The following CDH22 variants were observed in gnomAD, a reference collection of about 807,000 sequenced individuals.
The protein encoded by CDH22 is cadherin 22.
A neutral mutation model predicts 58.4 loss-of-function variants in CDH22; 30 were observed. That is an observed-to-expected ratio of 0.51 (90% CI 0.38 to 0.70). The LOEUF (loss-of-function observed/expected upper bound fraction) is 0.70. Among genes scored for constraint, CDH22 ranks in the 30% least tolerant of loss-of-function variants. The pLI is 0.00. For synonymous variants in CDH22, 513 were observed against 558.2 expected (o/e 0.92, Z 1.14); for missense variants, 1,014 against 1,233.9 (o/e 0.82, Z 2.67).
intron 2 of CDH22, among the ~76,000 whole-genome samples, chr20:46,249,473 C>T (rs2086354578): frequency 6.6e-6 from 1 of 152,172 alleles, no homozygotes; most frequent in Non-Finnish European, 1.5e-5. Context: ...CATTCAGCCA[C>T]ATGTATGGAG....
chr20:46,191,860 G>A (rs183174191), intron 8 of CDH22, among the ~76,000 whole-genome samples: 123 of 152,238 alleles, frequency 8.1e-4, no homozygotes, highest in Middle Eastern at 3.4e-3. Flanking sequence ...CCAAGGATAA[G>A]CCCAAGTCCC....
Position 46,197,353 on chromosome 20 carries a change from G to A in CDH22, c.1423+2070C>T, listed in dbSNP as rs192701048. ...CAAAAATTGTAAAATGTTTGTGGAG[G>A]AGTACCCCTCCCCCGATTCTGTCTC... On this transcript the variant is annotated intron_variant, in intron 8 of 11. Coordinates refer to ENST00000537909, the MANE Select transcript of CDH22 (RefSeq NM_021248.3). 3.4e-4 allele frequency among the ~76,000 whole-genome samples: 51 copies of A among 151,262 alleles called. 1 individual carries two copies. Among genetic ancestry groups the A allele is most frequent in the Middle Eastern group, 3.7e-3 (1 of 272 alleles).
intron 3 of CDH22, among the ~76,000 whole-genome samples, chr20:46,238,086 G>A (rs781706299): frequency 2.6e-5 from 4 of 152,182 alleles, no homozygotes; most frequent in Non-Finnish European, 5.9e-5. Context: ...GCAGCAGAGG[G>A]AATTTTCCAA....
At chr20:46,209,790 A>C (rs1013529904) in intron 7 of CDH22, 4 of 153,236 alleles carry the variant, frequency 2.6e-5, no homozygotes, top group Non-Finnish European at 4.4e-5. Context: ...TAGAGCTGTC[A>C]TTCCCAAGAT....
chr20:46,227,692 G>T, intron 3 of CDH22, 65 bp from the exon 4 acceptor site: 1 of 1,542,802 alleles, frequency 6.5e-7, no homozygotes. Flanking sequence ...CCCCCACTTC[G>T]CCTCACCCCA....
chr20:46,264,788 G>A (rs1310509696), intron 1 of CDH22, among the ~76,000 whole-genome samples: 1 of 151,828 alleles, frequency 6.6e-6, no homozygotes, highest in Non-Finnish European at 1.5e-5. Flanking sequence ...CTGACCTCCC[G>A]TGCAAATTAT....
chr20:46,186,200 C>T lies in CDH22; in HGVS notation c.1663+388G>A, dbSNP rs949894736. ...CCTGGCTGACAGAGCGAGACCCTGTCTCAAAAAAAAAAAAAAAAAAATCAA... is the reference window on the plus strand; with the variant it reads ...CCTGGCTGACAGAGCGAGACCCTGTTTCAAAAAAAAAAAAAAAAAAATCAA... On this transcript the variant is annotated intron_variant, in intron 10 of 11. Transcript: ENST00000537909. 3.2e-5 allele frequency among the ~76,000 whole-genome samples: 4 copies of T among 124,514 alleles called. No homozygotes were observed. The Admixed American group carries it at 3.3e-4, about 10-fold the overall frequency. 81.7% of individuals were successfully genotyped at this position (124,514 alleles called of 152,430 possible).
intron 3 of CDH22, among the ~76,000 whole-genome samples, chr20:46,234,689 T>C (rs1224335699): frequency 6.6e-6 from 1 of 152,228 alleles, no homozygotes; most frequent in African/African-American, 2.4e-5. Context: ...ACATTCTCCT[T>C]CCTTTGCCCA....
At chr20:46,187,937 T>A (rs982778986) in intron 8 of CDH22, among the ~76,000 whole-genome samples, 2 of 152,172 alleles carry the variant, frequency 1.3e-5, no homozygotes, top group African/African-American at 4.8e-5. Flanking sequence ...AGACTTCTGC[T>A]TTCTCAAGAC....
At chr20:46,189,642 T>C (rs1312779687) in intron 8 of CDH22, among the ~76,000 whole-genome samples, 3 of 152,214 alleles carry the variant, frequency 2.0e-5, no homozygotes, top group Non-Finnish European at 4.4e-5. Flanking sequence ...TCGGCCTCTC[T>C]TACCTCTTCT....
In CDH22 at chr20:46,226,269, TTCTTCTTCTTCTTCTTCTTCTTC is replaced by T. The variant is rs1452041733; in HGVS notation, c.670+1216_670+1238del. On this transcript the variant is annotated intron_variant, in intron 4 of 11. Transcript: ENST00000537909. ...CTTCTTCTTCTTCTTCTTCTTCTTC[TTCTTCTTCTTCTTCTTCTTCTTC>T]TTTTTTTTTTTGAGACAGGGTCTTG... Among the ~76,000 whole-genome samples, 48 of 5,052 alleles carry T rather than the reference TTCTTCTTCTTCTTCTTCTTCTTC, an allele frequency of 9.5e-3. 6 individuals are homozygous for T. The highest frequency in any genetic ancestry group is 0.25 in the Middle Eastern group (1 of 4). 3.3% of individuals were successfully genotyped at this position (5,052 alleles called of 152,430 possible).
At chr20:46,278,131 G>A (rs1272153238) in intron 1 of CDH22, among the ~76,000 whole-genome samples, 4 of 152,042 alleles carry the variant, frequency 2.6e-5, no homozygotes, top group African/African-American at 9.7e-5. Context: ...CCAGGGAGCT[G>A]GGAACAGAAC....
At position 46,174,321 on chromosome 20, in the gene CDH22, A is replaced by C. The variant is rs1600680694; in HGVS notation, c.*185T>G. ...TCAGAATCCCGCACCTCTGGGCTCC[A>C]AAGCTGCACCCCTAGAGGAGGAGGA... On this transcript the variant is annotated 3_prime_UTR_variant, in exon 12 of 12. Coordinates refer to ENST00000537909, the MANE Select transcript of CDH22 (RefSeq NM_021248.3). This position sits in a 1 kb window ranked among gnomAD's most constrained non-coding sequence, Gnocchi z 4.4. 1.9e-6 allele frequency: 1 copy of C among 525,424 alleles called. No homozygotes were observed. The highest frequency in any genetic ancestry group is 3.5e-5 in the East Asian group (1 of 28,766). 32.5% of individuals were successfully genotyped at this position (525,424 alleles called of 1,614,324 possible). A position where few individuals can be genotyped will look rare whatever the true frequency, so the allele number is the denominator to read the frequency against.
chr20:46,258,961 C>T (rs2425809), intron 1 of CDH22, among the ~76,000 whole-genome samples: 58,749 of 152,058 alleles, frequency 0.39, 12,040 homozygotes, highest in Middle Eastern at 0.56. Context: ...TTTGGGACAG[C>T]GGCTATTTAC....
intron 6 of CDH22, among the ~76,000 whole-genome samples, chr20:46,212,399 A>C (rs1406187045): frequency 6.6e-6 from 1 of 152,136 alleles, no homozygotes; most frequent in Non-Finnish European, 1.5e-5. Context: ...GCCCCTGACC[A>C]AATCCTGGAA....
In CDH22 at chr20:46,241,799, G is replaced by A. The variant is rs1280428174; in HGVS notation, c.256-542C>T. Among the ~76,000 whole-genome samples, 1 of 152,220 alleles carries A rather than the reference G, an allele frequency of 6.6e-6. No homozygotes were observed. The highest frequency in any genetic ancestry group is 1.5e-5 in the Non-Finnish European group (1 of 68,048). ...ATCATGATCATGTTCAGCCTTGTAG[G>A]ATGGCTGTAGCCAGCACTTCTCAAA... On this transcript the variant is annotated intron_variant, in intron 2 of 11. Transcript: ENST00000537909. The surrounding 1 kb of genome is among the most constrained non-coding windows in gnomAD (Gnocchi z 5.2).
In CDH22 at chr20:46,306,527, G is replaced by A. The variant is rs375860370; in HGVS notation, c.-400+1728C>T. Among the ~76,000 whole-genome samples the A allele has an allele frequency of 5.3e-5, 8 of 152,322 alleles. No homozygotes were observed. In the South Asian group the frequency reaches 1.0e-3, roughly 20 times the overall value. On this transcript the variant is annotated intron_variant, in intron 1 of 11. Coordinates refer to ENST00000537909, the MANE Select transcript of CDH22 (RefSeq NM_021248.3). ...CCCGAGGCACTGGCAGTGGTGGACCGGGAAGGGCACACAGACATCTCCAGG... is the reference window on the plus strand; with the variant it reads ...CCCGAGGCACTGGCAGTGGTGGACCAGGAAGGGCACACAGACATCTCCAGG...
chr20:46,267,693 C>T (rs551731686), intron 1 of CDH22, among the ~76,000 whole-genome samples: 66 of 152,366 alleles, frequency 4.3e-4, no homozygotes, highest in Non-Finnish European at 7.3e-4. Flanking sequence ...CATGTGTGAC[C>T]TTGCATGATT....
chr20:46,227,464 G>GGCCC, intron 4 of CDH22, 44 bp downstream of exon 4: 141 of 1,350,878 alleles, frequency 1.0e-4, no homozygotes, highest in Non-Finnish European at 1.2e-4. Flanking sequence ...CCCGCCCCTG[G>GGCCC]CCCCGCCCCA....
Sources: allele counts gnomAD v4.1 joint callset (sites outside exome capture counted in the v4.1 genomes callset), GRCh38; gene constraint gnomAD v4.1.1; non-coding constraint Gnocchi (gnomAD v3.1); transcripts MANE v1.5; gene names NCBI Gene and HGNC (gene_info 2026-07-23, HGNC 2026-07-21).